The following SYT17 variants were observed in gnomAD, a reference collection of about 807,000 sequenced individuals.
SYT17 encodes synaptotagmin-17.
In SYT17, 22 loss-of-function variants were observed where a neutral mutation model predicts 46.7. The observed-to-expected ratio is 0.47, with a 90% CI of 0.34 to 0.67. The LOEUF is 0.67. SYT17 is among the 30% of genes least tolerant of loss of function. SYT17 has a pLI of 0.01. For missense variants in SYT17, 519 were observed against 612.8 expected (o/e 0.85, Z 1.62); for synonymous variants, 251 against 248.4 (o/e 1.01, Z -0.10).
chr16:19,250,113 G>A lies in SYT17; in HGVS notation c.1229-16767G>A. 4 of 1,474,146 alleles carry A rather than the reference G, an allele frequency of 2.7e-6. No homozygotes were observed. The South Asian group carries it at 5.5e-5, about 20-fold the overall frequency. The allele number at this position is 1,474,146 out of a possible 1,614,324, so 91.3% of individuals were successfully genotyped here. On this transcript the variant is annotated intron_variant, in intron 7 of 7. Transcript: ENST00000355377. Reference sequence around the variant, plus strand: ...GTGTCTGGTTGCTTTTATTTTAAAGGCTTTGGTTTAACATTTTATTTAAAA... The same window carrying A: ...GTGTCTGGTTGCTTTTATTTTAAAGACTTTGGTTTAACATTTTATTTAAAA...
At chr16:19,229,717 C>G (rs1183307808) in intron 7 of SYT17, among the ~76,000 whole-genome samples, 1 of 152,118 alleles carries the variant, frequency 6.6e-6, no homozygotes, top group African/African-American at 2.4e-5. Flanking sequence ...GGTATATACC[C>G]AAAAGAATTG....
At chr16:19,218,873 C>T (rs1966193472) in intron 5 of SYT17, among the ~76,000 whole-genome samples, 1 of 152,124 alleles carries the variant, frequency 6.6e-6, no homozygotes, top group South Asian at 2.1e-4. Flanking sequence ...GTTTATTCCT[C>T]CCTCCCTCCA....
chr16:19,223,203 G>T, intron 6 of SYT17, 38 bp downstream of exon 6: 1 of 1,604,368 alleles, frequency 6.2e-7, no homozygotes. Flanking sequence ...CTTTATTAAT[G>T]GGGCATCTGT....
intron 5 of SYT17, among the ~76,000 whole-genome samples, chr16:19,219,476 C>T (rs1320377466): frequency 6.7e-6 from 1 of 149,978 alleles, no homozygotes; most frequent in Non-Finnish European, 1.5e-5. Flanking sequence ...AAAACAAACA[C>T]CCATGTGTCC....
At chr16:19,254,028 C>T (rs757539176) in intron 7 of SYT17, among the ~76,000 whole-genome samples, 1 of 152,182 alleles carries the variant, frequency 6.6e-6, no homozygotes, top group African/African-American at 2.4e-5. Context: ...CGCACCCAGT[C>T]CTCTTTCAAT....
At chr16:19,177,542 T>G (rs933119376) in intron 3 of SYT17, among the ~76,000 whole-genome samples, 1 of 152,184 alleles carries the variant, frequency 6.6e-6, no homozygotes, top group African/African-American at 2.4e-5. Flanking sequence ...AGACAGGAAG[T>G]AGAAATGTCA....
intron 3 of SYT17, among the ~76,000 whole-genome samples, chr16:19,174,019 C>T (rs967040717): frequency 3.9e-5 from 6 of 152,098 alleles, no homozygotes; most frequent in African/African-American, 1.4e-4. Context: ...ATAGTAAAAG[C>T]TCGATAAATA....
intron 7 of SYT17, among the ~76,000 whole-genome samples, chr16:19,230,150 G>A (rs1258351553): frequency 1.3e-5 from 2 of 152,184 alleles, no homozygotes; most frequent in East Asian, 3.8e-4. Context: ...GCCTGTTCCT[G>A]TAATCCCAGC....
intron 7 of SYT17, among the ~76,000 whole-genome samples, chr16:19,234,578 T>A (rs547614832): frequency 1.3e-5 from 2 of 152,174 alleles, no homozygotes; most frequent in East Asian, 3.8e-4. Context: ...ATGATGATAA[T>A]TGATGGACCC....
At chr16:19,205,149 G>A (rs1351845882) in intron 5 of SYT17, among the ~76,000 whole-genome samples, 1 of 152,186 alleles carries the variant, frequency 6.6e-6, no homozygotes, top group Non-Finnish European at 1.5e-5. Flanking sequence ...GTCAGTTCAT[G>A]TCTTACTCCT....
At chr16:19,197,870 C>G (rs573044280) in intron 5 of SYT17, among the ~76,000 whole-genome samples, 4 of 152,310 alleles carry the variant, frequency 2.6e-5, no homozygotes, top group African/African-American at 9.6e-5. Flanking sequence ...GGCTTTCAGG[C>G]AGGAGGTCTT....
chr16:19,251,555 A>G (rs1391965050), intron 7 of SYT17, among the ~76,000 whole-genome samples: 2 of 152,156 alleles, frequency 1.3e-5, no homozygotes, highest in Non-Finnish European at 2.9e-5. Flanking sequence ...TTTATAGCGC[A>G]AGCGTGAGCA....
Position 19,180,528 on chromosome 16 carries a change from G to T in SYT17, c.320G>T (p.Arg107Leu), listed in dbSNP as rs748717734. The T allele has an allele frequency of 6.2e-7, 1 of 1,614,080 alleles. No individual in the cohort carries two copies. The highest frequency in any genetic ancestry group is 1.1e-5 in the South Asian group (1 of 91,078). Residue 107 changes from arginine to leucine, a missense_variant, in exon 4 of 8, where the codon CGG (arginine) becomes CTG (leucine). Transcript: ENST00000355377. ...TCCAAGTCTACATACAGCCTGACGC[G>T]GAGGATTTCGAGTAAGTATCTCTGC... is the stretch of plus-strand genomic sequence containing the variant. ...DTSKSTYSLT[R>L]RISSLESRRP... is the part of the protein sequence containing the mutation.
At chr16:19,223,849 A>G (rs898451030) in intron 6 of SYT17, among the ~76,000 whole-genome samples, 1 of 152,198 alleles carries the variant, frequency 6.6e-6, no homozygotes, top group African/African-American at 2.4e-5. Context: ...AGTGGAGGCA[A>G]TGGTATTAAG....
chr16:19,172,484 A>G, intron 1 of SYT17: 3 of 1,471,720 alleles, frequency 2.0e-6, no homozygotes, highest in Non-Finnish European at 2.7e-6. Flanking sequence ...ATAACAGCAT[A>G]CGGTGCAAAT....
chr16:19,226,363 C>A (rs1307072419), intron 7 of SYT17, among the ~76,000 whole-genome samples: 1 of 152,188 alleles, frequency 6.6e-6, no homozygotes, highest in Non-Finnish European at 1.5e-5. Flanking sequence ...TTGTCTAGAA[C>A]CCTGGGCTCC....
chr16:19,258,356 G>C (rs920643272), intron 7 of SYT17, among the ~76,000 whole-genome samples: 1 of 152,056 alleles, frequency 6.6e-6, no homozygotes, highest in Non-Finnish European at 1.5e-5. Flanking sequence ...GGGAGATAGA[G>C]GAGGCCAGGC....
chr16:19,223,056 G>A lies in SYT17; in HGVS notation c.963G>A (p.Glu321=). 1 of 1,614,042 alleles carries A rather than the reference G, an allele frequency of 6.2e-7. No homozygotes were observed. The highest frequency in any genetic ancestry group is 1.7e-5 in the Admixed American group (1 of 60,010). The part of the protein sequence containing the change: ...ALIPSSQNEV[E]LGELLLSLNY... ...TCCTTTCTCTACAGAATGAAGTGGAGCTGGGGGAGCTGCTTCTGTCACTGA... is the reference window on the plus strand; with the variant it reads ...TCCTTTCTCTACAGAATGAAGTGGAACTGGGGGAGCTGCTTCTGTCACTGA... The change falls in exon 6 of 8, where the codon GAG becomes GAA. Residue 321 remains glutamate, a synonymous_variant. Transcript: ENST00000355377.
intron 5 of SYT17, among the ~76,000 whole-genome samples, chr16:19,201,206 C>A (rs554367086): frequency 6.6e-6 from 1 of 152,138 alleles, no homozygotes. Flanking sequence ...TGTTTATCTG[C>A]GGCATGGAAG....
Sources: gnomAD v4.1 joint callset for allele counts (sites outside exome capture counted in the v4.1 genomes callset) on GRCh38, gnomAD v4.1.1 for gene constraint, MANE v1.5 for transcripts, NCBI Gene and HGNC (gene_info 2026-07-23, HGNC 2026-07-21) for gene names.